The following ZBTB8A variants were observed in gnomAD, a reference collection of about 807,000 sequenced individuals.
ZBTB8A encodes zinc finger and BTB domain-containing protein 8A.
A neutral mutation model predicts 37.8 loss-of-function variants in ZBTB8A; 19 were observed. The observed-to-expected ratio is 0.50, with a 90% CI of 0.35 to 0.74. The LOEUF (loss-of-function observed/expected upper bound fraction) is 0.74, where lower values mean the gene tolerates loss of function less well. Among genes scored for constraint, ZBTB8A ranks in the 30% least tolerant of loss-of-function variants. ZBTB8A has a pLI of 0.01. For missense variants in ZBTB8A, 394 were observed against 537.8 expected (o/e 0.73, Z 2.65); for synonymous variants, 181 against 185.2 (o/e 0.98, Z 0.19).
At chr1:32,563,820 G>A (rs1004529789) in intron 2 of ZBTB8A, among the ~76,000 whole-genome samples, 1 of 152,010 alleles carries the variant, frequency 6.6e-6, no homozygotes, top group African/African-American at 2.4e-5. Context: ...TTCTTCCCCA[G>A]TCACCTTACT....
intron 2 of ZBTB8A, among the ~76,000 whole-genome samples, chr1:32,576,123 TG>T (rs908683948): frequency 1.3e-5 from 2 of 152,228 alleles, no homozygotes; most frequent in Non-Finnish European, 2.9e-5. Flanking sequence ...AACATAGCCA[TG>T]GTCATTCATT....
chr1:32,548,175 C>T (rs1405639060), intron 1 of ZBTB8A, among the ~76,000 whole-genome samples: 1 of 149,650 alleles, frequency 6.7e-6, no homozygotes, highest in Non-Finnish European at 1.5e-5. Flanking sequence ...ATAATCCTTC[C>T]TTAAGGTGAG....
chr1:32,599,739 A>G (rs1644561146), intron 4 of ZBTB8A, among the ~76,000 whole-genome samples: 1 of 151,882 alleles, frequency 6.6e-6, no homozygotes, highest in Non-Finnish European at 1.5e-5. Context: ...ATAAATAAAT[A>G]AATAATAAAA....
At chr1:32,565,463 G>C (rs1179966350) in intron 2 of ZBTB8A, among the ~76,000 whole-genome samples, 1 of 151,924 alleles carries the variant, frequency 6.6e-6, no homozygotes, top group Non-Finnish European at 1.5e-5. Context: ...AGATCAACCT[G>C]AGCAACATAG....
intron 2 of ZBTB8A, among the ~76,000 whole-genome samples, chr1:32,555,746 G>T (rs1644196579): frequency 6.6e-6 from 1 of 152,064 alleles, no homozygotes; most frequent in Non-Finnish European, 1.5e-5. Context: ...GTGAACTTCA[G>T]ACCAGCATTT....
At chr1:32,592,853 A>G in intron 2 of ZBTB8A, 78 bp from the exon 3 acceptor site, 1 of 1,232,324 alleles carries the variant, frequency 8.1e-7, no homozygotes, top group South Asian at 1.5e-5. Flanking sequence ...TGGGCCACAG[A>G]GCAAGATCCT....
intron 2 of ZBTB8A, among the ~76,000 whole-genome samples, chr1:32,555,148 G>C (rs1644191153): frequency 6.6e-6 from 1 of 152,136 alleles, no homozygotes; most frequent in Non-Finnish European, 1.5e-5. Context: ...CCAGCACTTT[G>C]GGAGGCCGAG....
At position 32,593,078 on chromosome 1, in the gene ZBTB8A, T is replaced by C; in HGVS notation, c.147T>C (p.Phe49=). 6.2e-7 allele frequency: 1 copy of C among 1,614,180 alleles called. No individual in the cohort carries two copies. The highest frequency in any genetic ancestry group is 8.5e-7 in the Non-Finnish European group (1 of 1,180,044). Residue 49 remains phenylalanine, a synonymous_variant, in exon 3 of 5, where the codon TTT becomes TTC. Coordinates refer to ENST00000373510, the MANE Select transcript of ZBTB8A (RefSeq NM_001040441.3). ...RNVLFASSGY[F]KMLLSQNSKE... ...TATTATTCGCTAGTAGCGGCTACTT[T>C]AAAATGCTTCTTTCTCAGAATTCAA...
At chr1:32,573,217 C>T (rs1295473884) in intron 2 of ZBTB8A, among the ~76,000 whole-genome samples, 11 of 149,836 alleles carry the variant, frequency 7.3e-5, no homozygotes, top group African/African-American at 2.7e-4. Flanking sequence ...ATTACAGGTG[C>T]GTGCCACCAC....
intron 1 of ZBTB8A, among the ~76,000 whole-genome samples, chr1:32,548,055 C>T (rs1644120578): frequency 6.7e-6 from 1 of 148,758 alleles, no homozygotes; most frequent in African/African-American, 2.5e-5. Context: ...ATCACTTGAA[C>T]CCGGGAGGTA....
chr1:32,553,049 A>AT, intron 1 of ZBTB8A, among the ~76,000 whole-genome samples: 1 of 151,356 alleles, frequency 6.6e-6, no homozygotes, highest in Middle Eastern at 3.5e-3. Flanking sequence ...TGTATCTGAC[A>AT]GAGGCTCTTA....
At chr1:32,597,176 G>A (rs959087140) in intron 4 of ZBTB8A, among the ~76,000 whole-genome samples, 6 of 151,946 alleles carry the variant, frequency 3.9e-5, no homozygotes, top group African/African-American at 4.8e-5. Context: ...TGTATTTTTA[G>A]TAGAGATGGG....
chr1:32,549,976 CT>C (rs1366569321), intron 1 of ZBTB8A, among the ~76,000 whole-genome samples: 5 of 152,160 alleles, frequency 3.3e-5, no homozygotes, highest in African/African-American at 1.2e-4. Context: ...CACAGAACAT[CT>C]CATTGATAGG....
At chr1:32,555,641 GC>G (rs1644195398) in intron 2 of ZBTB8A, among the ~76,000 whole-genome samples, 1 of 152,038 alleles carries the variant, frequency 6.6e-6, no homozygotes. Context: ...TCCCCTCTCA[GC>G]CCATGCTTCC....
At chr1:32,558,776 T>A (rs1048657330) in intron 2 of ZBTB8A, among the ~76,000 whole-genome samples, 2 of 152,164 alleles carry the variant, frequency 1.3e-5, no homozygotes, top group African/African-American at 4.8e-5. Context: ...ATAAGAAGTT[T>A]GGAATTCAGT....
intron 2 of ZBTB8A, among the ~76,000 whole-genome samples, chr1:32,579,917 C>A (rs1469582469): frequency 2.6e-5 from 4 of 152,164 alleles, no homozygotes; most frequent in African/African-American, 9.7e-5. Flanking sequence ...TATACAGTAT[C>A]ACCTGCAGTA....
At chr1:32,548,939 T>C (rs989129528) in intron 1 of ZBTB8A, among the ~76,000 whole-genome samples, 1 of 152,124 alleles carries the variant, frequency 6.6e-6, no homozygotes, top group Non-Finnish European at 1.5e-5. Flanking sequence ...ATGCCTGTAA[T>C]CCCAGCACTT....
At chr1:32,599,847 AATT>A (rs1163526948) in intron 4 of ZBTB8A, among the ~76,000 whole-genome samples, 4 of 152,188 alleles carry the variant, frequency 2.6e-5, no homozygotes, top group African/African-American at 9.6e-5. Flanking sequence ...GGATAGGTGA[AATT>A]ATTATGTCAT....
chr1:32,591,885 G>A lies in ZBTB8A; in HGVS notation c.-1-1046G>A, dbSNP rs553751468. ...TTTTCAGACAGGGTCTCACTCTGTC[G>A]CCAGGCTGGAGTGCATGGCGCAACC... On this transcript the variant is annotated intron_variant, in intron 2 of 4. Coordinates refer to ENST00000373510, the MANE Select transcript of ZBTB8A (RefSeq NM_001040441.3). Among the ~76,000 whole-genome samples, 7 of 151,874 alleles carry A rather than the reference G, an allele frequency of 4.6e-5. 1 individual carries two copies. The South Asian group carries it at 6.2e-4, about 14-fold the overall frequency.
Sources: allele counts gnomAD v4.1 joint callset (sites outside exome capture counted in the v4.1 genomes callset), GRCh38; gene constraint gnomAD v4.1.1; transcripts MANE v1.5; gene names NCBI Gene and HGNC (gene_info 2026-07-23, HGNC 2026-07-21).